Variants in CCDC192 observed in about 807,000 individuals in gnomAD.
CCDC192 encodes coiled-coil domain-containing protein 192.
chr5:127,704,570 G>T (rs1417927635), intron 1 of CCDC192, among the ~76,000 whole-genome samples: 1 of 152,078 alleles, frequency 6.6e-6, no homozygotes, highest in Non-Finnish European at 1.5e-5. Context: ...TGGGTCTATG[G>T]TCTGTGGATG....
intron 6 of CCDC192, among the ~76,000 whole-genome samples, chr5:127,931,758 G>T (rs1454539904): frequency 6.6e-6 from 1 of 152,116 alleles, no homozygotes; most frequent in Non-Finnish European, 1.5e-5. Flanking sequence ...ATTTCCCAGT[G>T]CCAGACTTGG....
chr5:127,810,175 T>C (rs1328098647), intron 5 of CCDC192, among the ~76,000 whole-genome samples: 1 of 152,220 alleles, frequency 6.6e-6, no homozygotes, highest in African/African-American at 2.4e-5. Flanking sequence ...CTTACCACAA[T>C]AGAAGTTCAT....
intron 3 of CCDC192, among the ~76,000 whole-genome samples, chr5:127,781,725 A>T (rs188121755): frequency 2.0e-3 from 297 of 152,256 alleles, no homozygotes; most frequent in African/African-American, 6.1e-3. Context: ...TATCAATTGT[A>T]GGAGCTTTCT....
intron 5 of CCDC192, among the ~76,000 whole-genome samples, chr5:127,821,826 T>C (rs1353995145): frequency 6.6e-6 from 1 of 152,168 alleles, no homozygotes; most frequent in Non-Finnish European, 1.5e-5. Flanking sequence ...TAGAAGGTGG[T>C]ACCCAGAAAG....
chr5:127,891,830 G>A (rs1201549798), intron 6 of CCDC192, among the ~76,000 whole-genome samples: 1 of 152,160 alleles, frequency 6.6e-6, no homozygotes, highest in Non-Finnish European at 1.5e-5. Flanking sequence ...ACTCCATCTA[G>A]ATGATGGTAT....
chr5:127,939,102 A>C (rs1164217987), intron 6 of CCDC192, among the ~76,000 whole-genome samples: 3 of 142,656 alleles, frequency 2.1e-5, no homozygotes, highest in African/African-American at 7.7e-5. Context: ...AGGCACTCAA[A>C]CCAACATCTT....
chr5:127,749,494 G>A (rs572218307), intron 2 of CCDC192, among the ~76,000 whole-genome samples: 6 of 152,012 alleles, frequency 3.9e-5, no homozygotes, highest in African/African-American at 1.2e-4. Flanking sequence ...GCTTTTTGAT[G>A]TGCTGCTGGA....
chr5:127,785,055 A>T (rs1756459708), intron 3 of CCDC192: 2 of 498,000 alleles, frequency 4.0e-6, no homozygotes, highest in Non-Finnish European at 8.1e-6. Context: ...TTTTAATTTG[A>T]GTGCAATCAG....
intron 2 of CCDC192, among the ~76,000 whole-genome samples, chr5:127,721,589 A>G (rs1752023469): frequency 6.6e-6 from 1 of 152,098 alleles, no homozygotes; most frequent in South Asian, 2.1e-4. Context: ...CTGAGTCCCA[A>G]AGCTGCTTCC....
chr5:127,789,195 A>G (rs1458821211), intron 3 of CCDC192, among the ~76,000 whole-genome samples: 1 of 152,244 alleles, frequency 6.6e-6, no homozygotes, highest in Admixed American at 6.5e-5. Context: ...CTACTGTAAC[A>G]TATACCTTAA....
chr5:127,896,684 G>C lies in CCDC192; in HGVS notation c.535+21023G>C, dbSNP rs150310184. ...TGGTCTCGAACTCCTGACCTCAGAT[G>C]ATCCACCCGCCTCGGCCTCCCTAAG... On this transcript the variant is annotated intron_variant, in intron 6 of 6. Transcript: ENST00000514853. Among the ~76,000 whole-genome samples the C allele has an allele frequency of 2.6e-3, 393 of 152,254 alleles. 4 individuals carry two copies. The highest frequency in any genetic ancestry group is 9.1e-3 in the African/African-American group (378 of 41,550).
chr5:127,907,613 C>T (rs1753235916), intron 6 of CCDC192, among the ~76,000 whole-genome samples: 1 of 152,114 alleles, frequency 6.6e-6, no homozygotes, highest in African/African-American at 2.4e-5. Flanking sequence ...TTTGCTTTAT[C>T]TTAATCAGCT....
Position 127,823,374 on chromosome 5 carries a change from T to C in CCDC192, c.411+25212T>C, listed in dbSNP as rs538484387. Among the ~76,000 whole-genome samples, 7 of 152,338 alleles carry C rather than the reference T, an allele frequency of 4.6e-5. No individual in the cohort carries two copies. The East Asian group carries it at 1.3e-3, about 29-fold the overall frequency. Reference sequence around the variant, plus strand: ...TTGATTGTTGAGTGCCAGGTTGATCTATTTGCCCTTGAGATCATCCAGAAG... The same window carrying C: ...TTGATTGTTGAGTGCCAGGTTGATCCATTTGCCCTTGAGATCATCCAGAAG... On this transcript the variant is annotated intron_variant, in intron 5 of 6. Transcript: ENST00000514853.
chr5:127,762,739 T>A (rs555500711), intron 3 of CCDC192, among the ~76,000 whole-genome samples: 58 of 152,240 alleles, frequency 3.8e-4, no homozygotes, highest in Non-Finnish European at 6.5e-4. Context: ...GCCTTAAGAG[T>A]CATGGCTCTG....
intron 2 of CCDC192, among the ~76,000 whole-genome samples, chr5:127,708,006 C>T (rs1357400772): frequency 6.6e-6 from 1 of 151,962 alleles, no homozygotes; most frequent in African/African-American, 2.4e-5. Flanking sequence ...GTGGCACAGC[C>T]TTTCTTATTT....
At chr5:127,713,743 A>G (rs1435279612) in intron 2 of CCDC192, among the ~76,000 whole-genome samples, 2 of 152,194 alleles carry the variant, frequency 1.3e-5, no homozygotes, top group Non-Finnish European at 2.9e-5. Flanking sequence ...ATAATTGTAC[A>G]TATTTATGGG....
At chr5:127,737,302 T>G (rs1753077164) in intron 2 of CCDC192, among the ~76,000 whole-genome samples, 1 of 152,166 alleles carries the variant, frequency 6.6e-6, no homozygotes. Flanking sequence ...AGATAGTTTG[T>G]TATAATTTCT....
intron 5 of CCDC192, among the ~76,000 whole-genome samples, chr5:127,805,612 G>A (rs1467728920): frequency 1.3e-5 from 2 of 152,088 alleles, no homozygotes; most frequent in African/African-American, 2.4e-5. Flanking sequence ...CCTTTCCTGC[G>A]GGCCATTCTC....
chr5:127,771,942 C>T (rs1755579929), intron 3 of CCDC192, among the ~76,000 whole-genome samples: 1 of 152,096 alleles, frequency 6.6e-6, no homozygotes, highest in Non-Finnish European at 1.5e-5. Flanking sequence ...GCGTTTGAAT[C>T]CCAGGTTCCA....
Sources: gnomAD v4.1 joint callset for allele counts (sites outside exome capture counted in the v4.1 genomes callset) on GRCh38, gnomAD v4.1.1 for gene constraint, MANE v1.5 for transcripts, NCBI Gene and HGNC (gene_info 2026-07-23, HGNC 2026-07-21) for gene names.